Variants in ZC3H8 observed in about 807,000 individuals in gnomAD.
ZC3H8 encodes the protein zinc finger CCCH-type containing 8, also known as zinc finger CCCH domain-containing protein 8.
A neutral mutation model predicts 42.5 loss-of-function variants in ZC3H8; 27 were observed. That is an observed-to-expected ratio of 0.64 (90% CI 0.47 to 0.88). The LOEUF (loss-of-function observed/expected upper bound fraction) is 0.88, where lower values mean the gene tolerates loss of function less well. ZC3H8 is among the 40% of genes least tolerant of loss of function. The probability of loss-of-function intolerance (pLI) is 0.00; values close to 1 mark genes in which losing one functional copy is unlikely to be tolerated. For synonymous variants in ZC3H8, 101 were observed against 110.1 expected (o/e 0.92, Z 0.52); for missense variants, 277 against 336.1 (o/e 0.82, Z 1.37).
intron 8 of ZC3H8, among the ~76,000 whole-genome samples, chr2:112,216,820 C>T (rs142982052): frequency 5.9e-5 from 9 of 151,582 alleles, no homozygotes; most frequent in African/African-American, 1.7e-4. Context: ...TAAACATTAT[C>T]GGACAAAAGC....
intron 2 of ZC3H8, among the ~76,000 whole-genome samples, chr2:112,241,128 G>A (rs902760195): frequency 6.6e-6 from 1 of 152,046 alleles, no homozygotes; most frequent in Non-Finnish European, 1.5e-5. Context: ...GGTACAGTGT[G>A]AGAAATGGGG....
rs1245769014 is a variant in ZC3H8 at position 112,233,380 on chromosome 2, A to G, written c.622-9T>C. 1.3e-6 allele frequency: 2 copies of G among 1,530,658 alleles called. No individual in the cohort carries two copies. The allele number at this position is 1,530,658 out of a possible 1,614,324, so 94.8% of individuals were successfully genotyped here. The stretch of plus-strand genomic sequence containing the variant: ...AATTTACACTGGTCTCCCTAGGCCA[A>G]AAGAAGGAGCAAGGAAAAGCCATTA... On this transcript the variant is annotated splice_polypyrimidine_tract_variant and intron_variant, in intron 5 of 8. Transcript: ENST00000409573.
At chr2:112,216,810 T>C (rs1318971386) in intron 8 of ZC3H8, among the ~76,000 whole-genome samples, 2 of 151,374 alleles carry the variant, frequency 1.3e-5, no homozygotes, top group Non-Finnish European at 2.9e-5. Flanking sequence ...GGAAACATGA[T>C]AAACATTATC....
intron 1 of ZC3H8, among the ~76,000 whole-genome samples, 158 bp from the exon 2 acceptor site, chr2:112,250,430 TATG>T (rs1167402147): frequency 2.6e-5 from 4 of 152,220 alleles, no homozygotes; most frequent in African/African-American, 9.6e-5. Flanking sequence ...TGTACAAAAT[TATG>T]ATGACCAATA....
At chr2:112,231,307 A>C (rs1292388818) in intron 7 of ZC3H8, among the ~76,000 whole-genome samples, 1 of 152,176 alleles carries the variant, frequency 6.6e-6, no homozygotes, top group Non-Finnish European at 1.5e-5. Context: ...AGAATCTTTT[A>C]AATTTTCATG....
intron 2 of ZC3H8, among the ~76,000 whole-genome samples, chr2:112,249,184 A>G (rs1685859996): frequency 2.0e-5 from 3 of 152,198 alleles, no homozygotes; most frequent in Admixed American, 6.5e-5. Context: ...TGACAGAGCA[A>G]GACTCTGTCT....
At chr2:112,246,571 G>A (rs1429055090) in intron 2 of ZC3H8, among the ~76,000 whole-genome samples, 2 of 152,132 alleles carry the variant, frequency 1.3e-5, no homozygotes, top group African/African-American at 2.4e-5. Context: ...CAGGTGTGGT[G>A]GAAAAGCAAG....
At position 112,221,129 on chromosome 2, in the gene ZC3H8, T is replaced by C. The variant is rs117518952; in HGVS notation, c.*16-4661A>G. The stretch of plus-strand genomic sequence containing the variant: ...TTTGGTCTCTTTACATAATTTCATA[T>C]TTCTCAGAGGTTTTGTTCAGTCTTT... On this transcript the variant is annotated intron_variant, in intron 8 of 8. Coordinates refer to ENST00000409573, the MANE Select transcript of ZC3H8 (RefSeq NM_032494.3). 4.3e-4 allele frequency among the ~76,000 whole-genome samples: 65 copies of C among 152,342 alleles called. 1 individual carries two copies. The East Asian group carries it at 8.7e-3, about 20-fold the overall frequency.
In ZC3H8 at chr2:112,233,301, T is replaced by C. The variant is rs1429729164; in HGVS notation, c.692A>G (p.Gln231Arg). The C allele has an allele frequency of 1.4e-5, 22 of 1,601,484 alleles. No homozygotes were observed. Among genetic ancestry groups the C allele is most frequent in the Non-Finnish European group, 1.9e-5 (22 of 1,173,380 alleles). Residue 231 changes from glutamine to arginine, a missense_variant, in exon 6 of 9, where the codon CAA becomes CGA. Physicochemically the swap from Gln to Arg is conservative, Grantham distance 43. Transcript: ENST00000409573. Reference protein sequence around the residue: ...KKKEMCKFYVQGYCTRGENCL... With the variant: ...KKKEMCKFYVRGYCTRGENCL... ...GTTTTCACCTCTGGTACAATATCCT[T>C]GTACATAAAACTTACACATTTCCTT...
chr2:112,238,350 G>T lies in ZC3H8; in HGVS notation c.335C>A (p.Ser112Tyr). The T allele has an allele frequency of 6.2e-7, 1 of 1,613,632 alleles. No individual in the cohort carries two copies. Among genetic ancestry groups the T allele is most frequent in the African/African-American group, 1.3e-5 (1 of 75,026 alleles). The change falls in exon 3 of 9, where the codon TCT becomes TAT. Residue 112 changes from serine (S) to tyrosine (Y), a missense_variant. Coordinates refer to ENST00000409573, the MANE Select transcript of ZC3H8 (RefSeq NM_032494.3). ...EMANAAQPEE[S>Y]TKKEGVKDTP... ...ATCTTTTACTCCTTCTTTCTTTGTA[G>T]ATTCTTCAGGTTGAGCAGCATTTGC... is the stretch of plus-strand genomic sequence containing the variant.
At chr2:112,244,375 G>A (rs1009743516) in intron 2 of ZC3H8, among the ~76,000 whole-genome samples, 1 of 152,066 alleles carries the variant, frequency 6.6e-6, no homozygotes, top group Non-Finnish European at 1.5e-5. Context: ...CCCTACATAT[G>A]GGTGTATGCC....
At chr2:112,230,837 G>T in intron 8 of ZC3H8, 66 bp downstream of exon 8, 1 of 1,066,990 alleles carries the variant, frequency 9.4e-7, no homozygotes, top group Non-Finnish European at 1.2e-6. Flanking sequence ...CCCTATTGAG[G>T]TTGCATGCCA....
At position 112,234,209 on chromosome 2, in the gene ZC3H8, G is replaced by T. The variant is rs771205843; in HGVS notation, c.532C>A (p.His178Asn). 6 of 1,607,916 alleles carry T rather than the reference G, an allele frequency of 3.7e-6. No homozygotes were observed. In the African/African-American group the frequency reaches 8.0e-5, roughly 22 times the overall value. ...EDGKPKEKQQ[H>N]LSQAFINQHT... ...TGGTTGATGAATGCCTGACTCAAAT[G>T]CTGCTGCTTCTCTTTAGGTTTACCA... is the stretch of plus-strand genomic sequence containing the variant. The change falls in exon 5 of 9, where the codon CAT (histidine) becomes AAT (asparagine). Residue 178 changes from histidine (H) to asparagine (N), a missense_variant. His to Asn is a moderately conservative substitution (Grantham distance 68, BLOSUM62 1). Transcript: ENST00000409573.
chr2:112,233,511 T>C (rs998321588), intron 5 of ZC3H8, 140 bp from the exon 6 acceptor site: 11 of 628,252 alleles, frequency 1.8e-5, no homozygotes, highest in Non-Finnish European at 2.8e-5. Context: ...TAACTGTTAA[T>C]AAATTATAAC....
intron 2 of ZC3H8, among the ~76,000 whole-genome samples, chr2:112,244,385 C>T (rs1685686971): frequency 2.0e-5 from 3 of 151,998 alleles, no homozygotes; most frequent in Non-Finnish European, 4.4e-5. Flanking sequence ...GGGTGTATGC[C>T]AACCAATGAG....
chr2:112,217,823 G>A (rs1347792792), intron 8 of ZC3H8, among the ~76,000 whole-genome samples: 1 of 152,124 alleles, frequency 6.6e-6, no homozygotes, highest in Admixed American at 6.6e-5. Flanking sequence ...GTTCATTTCT[G>A]AAAAAGTTCC....
At chr2:112,220,885 G>A (rs923651276) in intron 8 of ZC3H8, among the ~76,000 whole-genome samples, 7 of 152,060 alleles carry the variant, frequency 4.6e-5, no homozygotes, top group Admixed American at 3.9e-4. Context: ...GCCCTTAACC[G>A]TTTTTTCTTT....
intron 1 of ZC3H8, chr2:112,253,943 G>A: frequency 5.6e-6 from 1 of 178,780 alleles, no homozygotes; most frequent in South Asian, 1.9e-4. Flanking sequence ...TAAAATCATG[G>A]ATCCTGGACA....
intron 1 of ZC3H8, among the ~76,000 whole-genome samples, chr2:112,252,237 TG>T (rs1685973998): frequency 6.6e-6 from 1 of 152,198 alleles, no homozygotes; most frequent in South Asian, 2.1e-4. Flanking sequence ...CATCCAACAC[TG>T]AACTCTTGCT....
Sources: allele counts gnomAD v4.1 joint callset (sites outside exome capture counted in the v4.1 genomes callset), GRCh38; gene constraint gnomAD v4.1.1; transcripts MANE v1.5; gene names NCBI Gene and HGNC (gene_info 2026-07-23, HGNC 2026-07-21).